The following IL11 variants were observed in gnomAD, a reference collection of about 807,000 sequenced individuals.
IL11 encodes the protein interleukin-11.
Under a neutral mutation model 18.1 loss-of-function variants are expected in IL11, and 17 were observed. The ratio of observed to expected loss-of-function variants is 0.94; its 90% CI spans 0.64 to 1.41. IL11 has a LOEUF of 1.41. Ranked by LOEUF, IL11 falls within the 40% of genes most tolerant of loss-of-function variation. The pLI, the probability that IL11 is intolerant of heterozygous loss-of-function variation, is 0.00. For synonymous variants in IL11, 144 were observed against 134.1 expected, an observed-to-expected ratio of 1.07 and a Z score of -0.51; for missense variants, 309 against 262.8, an observed-to-expected ratio of 1.18 and a Z score of -1.22.
chr19:55,365,938 C>T lies in IL11; in HGVS notation c.*69G>A. 6.5e-7 allele frequency: 1 copy of T among 1,546,960 alleles called. No homozygotes were observed. The highest frequency in any genetic ancestry group is 1.2e-5 in the South Asian group (1 of 83,828). On this transcript the variant is annotated 3_prime_UTR_variant, in exon 5 of 5. Coordinates refer to ENST00000264563, the MANE Select transcript of IL11 (RefSeq NM_000641.4). The stretch of plus-strand genomic sequence containing the variant: ...GGGGGGATCACCTGGCTGTTTCGCC[C>T]CCAGTACTGAAATAAATAAATAAAT...
intron 2 of IL11, 38 bp downstream of exon 2, chr19:55,368,729 CCT>C (rs2089802223): frequency 3.2e-6 from 5 of 1,538,758 alleles, no homozygotes; most frequent in Non-Finnish European, 4.4e-6. Flanking sequence ...TTCCTCTCTG[CCT>C]CTCACTCCTG....
intron 2 of IL11, 64 bp from the exon 3 acceptor site, chr19:55,368,633 G>T (rs1479892183): frequency 3.3e-6 from 5 of 1,507,454 alleles, no homozygotes; most frequent in Non-Finnish European, 4.5e-6. Flanking sequence ...CATCCCCCAC[G>T]CCAGGCCCCC....
rs1370151517 is a variant in IL11, at chr19:55,366,800, C to T, written c.430-623G>A. ...GCACTCTAGCCTGGGCAACAGAGCG[C>T]GAGACTCTGTCTCCAAAAAATAATA... is the stretch of plus-strand genomic sequence containing the variant. On this transcript the variant is annotated intron_variant, in intron 4 of 4. Coordinates refer to ENST00000264563, the MANE Select transcript of IL11 (RefSeq NM_000641.4). The surrounding 1 kb of genome is among the most constrained non-coding windows in gnomAD (Gnocchi z 4.6). Among the ~76,000 whole-genome samples the T allele has an allele frequency of 3.3e-5, 5 of 151,874 alleles. No individual in the cohort carries two copies. Among genetic ancestry groups the T allele is most frequent in the East Asian group, 3.9e-4 (2 of 5,182 alleles).
rs773125492 is a variant in IL11, at chr19:55,368,557, G to A, written c.193C>T (p.Pro65Ser). The A allele has an allele frequency of 6.2e-7, 1 of 1,611,990 alleles. No individual in the cohort carries two copies. Among genetic ancestry groups the A allele is most frequent in the African/African-American group, 1.3e-5 (1 of 74,886 alleles). Residue 65 changes from proline to serine, a missense_variant, in exon 3 of 5, where the codon CCA becomes TCA. Pro to Ser is a moderately conservative substitution (Grantham distance 74). Coordinates refer to ENST00000264563, the MANE Select transcript of IL11 (RefSeq NM_000641.4). ...TCCAGGTTGTGGTCCCCGTCAGCTGGGAATTTGTCCCTCTGGCAGGGAAAA... is the reference window on the plus strand; with the variant it reads ...TCCAGGTTGTGGTCCCCGTCAGCTGAGAATTTGTCCCTCTGGCAGGGAAAA... ...QLAAQLRDKF[P>S]ADGDHNLDSL...
Position 55,365,907 on chromosome 19 carries a change from A to C in IL11, c.*100T>G. On this transcript the variant is annotated 3_prime_UTR_variant, in exon 5 of 5. Transcript: ENST00000264563. The stretch of plus-strand genomic sequence containing the variant: ...GGACTGTCTCTAACTAGGGGGAGAT[A>C]ATGGCGGGGGGATCACCTGGCTGTT... 1 of 1,521,898 alleles carries C rather than the reference A, an allele frequency of 6.6e-7. No homozygotes were observed. The highest frequency in any genetic ancestry group is 8.9e-7 in the Non-Finnish European group (1 of 1,129,498). 94.3% of individuals were successfully genotyped at this position (1,521,898 alleles called of 1,614,324 possible). A position where few individuals can be genotyped will look rare whatever the true frequency, so the allele number is the denominator to read the frequency against.
rs1126757 is a variant in IL11, at chr19:55,368,504, C to G, written c.246G>C (p.Ala82=). The part of the protein sequence containing the change: ...LDSLPTLAMS[A]GALGALQLPG... ...TTACCTGTAGAGCTCCCAGTGCCCC[C>G]GCACTCATGGCCAGGGTGGGCAGGG... The change falls in exon 3 of 5, where the codon GCG becomes GCC. Residue 82 remains alanine, a synonymous_variant. Coordinates refer to ENST00000264563, the MANE Select transcript of IL11 (RefSeq NM_000641.4). The G allele has an allele frequency of 1.9e-6, 3 of 1,611,210 alleles. No individual in the cohort carries two copies. Among genetic ancestry groups the G allele is most frequent in the Non-Finnish European group, 2.5e-6 (3 of 1,178,710 alleles).
chr19:55,368,347 G>C lies in IL11; in HGVS notation c.292C>G (p.Arg98Gly), dbSNP rs1442380870. 2.5e-6 allele frequency: 4 copies of C among 1,599,144 alleles called. No homozygotes were observed. Among genetic ancestry groups the C allele is most frequent in the East Asian group, 2.3e-5 (1 of 44,362 alleles). The change falls in exon 4 of 5, where the codon CGA becomes GGA. Residue 98 changes from arginine (R) to glycine (G), a missense_variant. Arg to Gly is a moderately radical substitution (Grantham distance 125). Transcript: ENST00000264563. ...CGCAGGTAGGACAGTAGGTCCGCTCGCAGCCTTGTCAGCACACCTGGGAGC... is the reference window on the plus strand; with the variant it reads ...CGCAGGTAGGACAGTAGGTCCGCTCCCAGCCTTGTCAGCACACCTGGGAGC... ...LQLPGVLTRL[R>G]ADLLSYLRHV...
chr19:55,367,563 C>T (rs904700798), intron 4 of IL11, among the ~76,000 whole-genome samples: 6 of 144,900 alleles, frequency 4.1e-5, no homozygotes, highest in African/African-American at 1.0e-4. Context: ...CAGGTTCAAG[C>T]GATTCTCCTG....
At chr19:55,370,236 AC>A (rs1237326539) in intron 1 of IL11, 67 bp downstream of exon 1, 2 of 1,192,270 alleles carry the variant, frequency 1.7e-6, no homozygotes, top group Non-Finnish European at 2.4e-6. Flanking sequence ...GTCTGCTCCC[AC>A]CCCCGCCGTG....
rs2089815820 is a variant in IL11, at chr19:55,370,407, C to A, written c.-97G>T. On this transcript the variant is annotated 5_prime_UTR_variant, in exon 1 of 5. Transcript: ENST00000264563. ...CTGCCGGGGGAGCCCCGAGGGTCAG[C>A]TGGGCCGCGGCCTGGGGAGGGGAGG... 2 of 1,085,982 alleles carry A rather than the reference C, an allele frequency of 1.8e-6. No individual in the cohort carries two copies. Among genetic ancestry groups the A allele is most frequent in the Non-Finnish European group, 2.5e-6 (2 of 814,724 alleles). The allele number at this position is 1,085,982 out of a possible 1,614,324, so 67.3% of individuals were successfully genotyped here.
chr19:55,366,143 TCCG>T lies in IL11; in HGVS notation c.461_463del (p.Pro154_Asp155delinsHis). ...GGGCGCCAGCGGGGGCGCCGGCGGG[TCCG>T]GGGGTGGCTGGGGCAGGGCCAGGCG... On this transcript the variant is annotated inframe_deletion, in exon 5 of 5. Coordinates refer to ENST00000264563, the MANE Select transcript of IL11 (RefSeq NM_000641.4). This position sits in a 1 kb window ranked among gnomAD's most constrained non-coding sequence, Gnocchi z 4.6. 6.6e-7 allele frequency: 1 copy of T among 1,508,078 alleles called. No individual in the cohort carries two copies. The highest frequency in any genetic ancestry group is 8.9e-7 in the Non-Finnish European group (1 of 1,122,772). 93.4% of individuals were successfully genotyped at this position (1,508,078 alleles called of 1,614,324 possible). A position where few individuals can be genotyped will look rare whatever the true frequency, so the allele number is the denominator to read the frequency against.
Position 55,368,567 on chromosome 19 carries a change from C to A in IL11, c.183G>T (p.Arg61Ser). The change falls in exon 3 of 5, where the codon AGG becomes AGT. Residue 61 changes from arginine (R) to serine (S), a missense_variant and splice_region_variant. By Grantham distance (110) the Arg-to-Ser change is moderately radical (BLOSUM62 -1). Transcript: ENST00000264563. Reference sequence around the variant, plus strand: ...GGTCCCCGTCAGCTGGGAATTTGTCCCTCTGGCAGGGAAAAAAGCTGTGAG... The same window carrying A: ...GGTCCCCGTCAGCTGGGAATTTGTCACTCTGGCAGGGAAAAAAGCTGTGAG... ...ADTRQLAAQL[R>S]DKFPADGDHN... 1 of 1,610,686 alleles carries A rather than the reference C, an allele frequency of 6.2e-7. No individual in the cohort carries two copies. Among genetic ancestry groups the A allele is most frequent in the South Asian group, 1.1e-5 (1 of 90,262 alleles).
Position 55,369,794 on chromosome 19 carries a change from T to C in IL11, c.7+510A>G, listed in dbSNP as rs1352790651. ...CGCCAGCCGTCGGTCTGTCCGCGCCTCCGTCGGCCGCATCTGCCCGGCTCT... is the reference window on the plus strand; with the variant it reads ...CGCCAGCCGTCGGTCTGTCCGCGCCCCCGTCGGCCGCATCTGCCCGGCTCT... On this transcript the variant is annotated intron_variant, in intron 1 of 4. Coordinates refer to ENST00000264563, the MANE Select transcript of IL11 (RefSeq NM_000641.4). This position sits in a 1 kb window ranked among gnomAD's most constrained non-coding sequence, Gnocchi z 6.1. 1.4e-5 allele frequency among the ~76,000 whole-genome samples: 2 copies of C among 144,478 alleles called. No individual in the cohort carries two copies. The highest frequency in any genetic ancestry group is 3.0e-5 in the Non-Finnish European group (2 of 66,000). 94.8% of individuals were successfully genotyped at this position (144,478 alleles called of 152,430 possible). A position where few individuals can be genotyped will look rare whatever the true frequency, so the allele number is the denominator to read the frequency against.
rs2089798278 is a variant in IL11 at position 55,368,285 on chromosome 19, G to A, written c.354C>T (p.Ser118=). The stretch of plus-strand genomic sequence containing the variant: ...CCAGCTCGGGCTCCAGGGTCTTCAG[G>A]GAAGAGCCACCTGCCCGGCGCAGCC... ...VQWLRRAGGS[S]LKTLEPELGT... is the part of the protein sequence containing the mutation. The change falls in exon 4 of 5, where the codon TCC becomes TCT. Residue 118 remains serine (S), a synonymous_variant. Transcript: ENST00000264563. 17 of 1,565,950 alleles carry A rather than the reference G, an allele frequency of 1.1e-5. No individual in the cohort carries two copies. The highest frequency in any genetic ancestry group is 1.5e-5 in the Non-Finnish European group (17 of 1,154,796).
In IL11 at chr19:55,369,174, A is replaced by T. The variant is rs764080238; in HGVS notation, c.8-233T>A. On this transcript the variant is annotated intron_variant, in intron 1 of 4. Coordinates refer to ENST00000264563, the MANE Select transcript of IL11 (RefSeq NM_000641.4). This position sits in a 1 kb window ranked among gnomAD's most constrained non-coding sequence, Gnocchi z 6.1. ...GGGGCCTGGACTCCCGGCCTTAGGGAGGATGGAGCTGGAGGTCTTAAGTCC... is the reference window on the plus strand; with the variant it reads ...GGGGCCTGGACTCCCGGCCTTAGGGTGGATGGAGCTGGAGGTCTTAAGTCC... 10 of 410,598 alleles carry T rather than the reference A, an allele frequency of 2.4e-5. No individual in the cohort carries two copies. Among genetic ancestry groups the T allele is most frequent in the Non-Finnish European group, 3.9e-5 (9 of 230,498 alleles). The allele number at this position is 410,598 out of a possible 1,614,324, so 25.4% of individuals were successfully genotyped here.
At position 55,369,212 on chromosome 19, in the gene IL11, C is replaced by T. The variant is rs959470390; in HGVS notation, c.8-271G>A. The T allele has an allele frequency of 6.5e-6, 2 of 308,242 alleles. No individual in the cohort carries two copies. Among genetic ancestry groups the T allele is most frequent in the African/African-American group, 2.1e-5 (1 of 46,700 alleles). 19.1% of individuals were successfully genotyped at this position (308,242 alleles called of 1,614,324 possible). ...AGGTCTTAAGTCCCAGGGTGGAACG[C>T]CCGCGGGCAGGTCGCAGGGCCAGGC... On this transcript the variant is annotated intron_variant, in intron 1 of 4. Transcript: ENST00000264563. This position sits in a 1 kb window ranked among gnomAD's most constrained non-coding sequence, Gnocchi z 6.1.
rs896813697 is a variant in IL11 at position 55,369,140 on chromosome 19, G to A, written c.8-199C>T. 2.1e-5 allele frequency: 10 copies of A among 481,000 alleles called. No individual in the cohort carries two copies. Among genetic ancestry groups the A allele is most frequent in the African/African-American group, 8.0e-5 (4 of 50,098 alleles). 29.8% of individuals were successfully genotyped at this position (481,000 alleles called of 1,614,324 possible). On this transcript the variant is annotated intron_variant, in intron 1 of 4. Coordinates refer to ENST00000264563, the MANE Select transcript of IL11 (RefSeq NM_000641.4). The surrounding 1 kb of genome is among the most constrained non-coding windows in gnomAD (Gnocchi z 6.1). ...GGTCTGGACTCCTGGGTCTCGGGGAGGAGGGTCTGGGGCCTGGACTCCCGG... is the reference window on the plus strand; with the variant it reads ...GGTCTGGACTCCTGGGTCTCGGGGAAGAGGGTCTGGGGCCTGGACTCCCGG...
In IL11 at chr19:55,368,753, G is replaced by T; in HGVS notation, c.180+16C>A. The T allele has an allele frequency of 1.3e-6, 2 of 1,563,728 alleles. No individual in the cohort carries two copies. Among genetic ancestry groups the T allele is most frequent in the Non-Finnish European group, 1.7e-6 (2 of 1,153,764 alleles). On this transcript the variant is annotated intron_variant, in intron 2 of 4. Coordinates refer to ENST00000264563, the MANE Select transcript of IL11 (RefSeq NM_000641.4). ...GCCTCTCACTCCTGTGCTGGCCCCA[G>T]CCCAGTCTCTCCTACCAGCTGTGCA...
At chr19:55,368,686 C>A in intron 2 of IL11, 83 bp downstream of exon 2, 2 of 1,496,126 alleles carry the variant, frequency 1.3e-6, no homozygotes, top group East Asian at 2.5e-5. Flanking sequence ...AGCCCAGAAC[C>A]CCTCCAAGTG....
Sources: gnomAD v4.1 joint callset for allele counts (sites outside exome capture counted in the v4.1 genomes callset) on GRCh38, gnomAD v4.1.1 for gene constraint, Gnocchi (gnomAD v3.1) non-coding constraint, MANE v1.5 for transcripts, NCBI Gene and HGNC (gene_info 2026-07-23, HGNC 2026-07-21) for gene names.